The following ENOX2 variants were observed in gnomAD, a reference collection of about 807,000 sequenced individuals.
ENOX2 encodes APK1 antigen.
A neutral mutation model predicts 45.0 loss-of-function variants in ENOX2; 36 were observed. That is an observed-to-expected ratio of 0.80 (90% CI 0.61 to 1.06). ENOX2 has a LOEUF of 1.06. Among genes scored for constraint, ENOX2 ranks in the 50% least tolerant of loss-of-function variants. The probability of loss-of-function intolerance (pLI) is 0.00; values close to 1 mark genes in which losing one functional copy is unlikely to be tolerated. For synonymous variants in ENOX2, 174 were observed against 152.3 expected, an observed-to-expected ratio of 1.14 and a Z score of -1.05; for missense variants, 423 against 462.5, an observed-to-expected ratio of 0.91 and a Z score of 0.78.
intron 10 of ENOX2, among the ~76,000 whole-genome samples, chrX:130,649,596 G>C (rs1373680822): frequency 8.9e-6 from 1 of 112,206 alleles, no homozygotes; most frequent in Non-Finnish European, 1.9e-5. Flanking sequence ...CAATGATCCT[G>C]ATACAGCAGT....
intron 4 of ENOX2, among the ~76,000 whole-genome samples, chrX:130,698,706 C>T (rs969183137): frequency 9.0e-6 from 1 of 111,560 alleles, no homozygotes; most frequent in African/African-American, 3.3e-5. Context: ...AGTGGTCTGT[C>T]ATGTATCATA....
intron 3 of ENOX2, among the ~76,000 whole-genome samples, chrX:130,732,532 A>G (rs956964794): frequency 1.1e-4 from 12 of 112,171 alleles, no homozygotes; most frequent in African/African-American, 3.6e-4. Context: ...AATCCATAAG[A>G]TCACAAATAG....
At position 130,775,238 on chromosome X, in the gene ENOX2, A is replaced by T. The variant is rs991516257; in HGVS notation, c.-39+8309T>A. Among the ~76,000 whole-genome samples, 12 of 110,422 alleles carry T rather than the reference A, an allele frequency of 1.1e-4. No homozygotes were observed. In the East Asian group the frequency reaches 3.4e-3, roughly 32 times the overall value. On this transcript the variant is annotated intron_variant, in intron 3 of 14. Coordinates refer to ENST00000394363, the MANE Select transcript of ENOX2 (RefSeq NM_006375.4). Reference sequence around the variant, plus strand: ...TCTACAAAAAATACAAAAATTAGCCAGGCATAGAGGCATGGCCTGTAGTCC... The same window carrying T: ...TCTACAAAAAATACAAAAATTAGCCTGGCATAGAGGCATGGCCTGTAGTCC...
chrX:130,722,113 C>T (rs1373669178), intron 3 of ENOX2, among the ~76,000 whole-genome samples: 1 of 111,713 alleles, frequency 9.0e-6, no homozygotes, highest in Non-Finnish European at 1.9e-5. Context: ...AGCGCATGAA[C>T]TCACAACAGG....
chrX:130,838,336 C>T (rs965668827), intron 2 of ENOX2, among the ~76,000 whole-genome samples: 5 of 111,736 alleles, frequency 4.5e-5, no homozygotes, highest in Admixed American at 1.9e-4. Context: ...GAGCCGAGAT[C>T]GCGCCACTGC....
At chrX:130,630,061 C>G (rs752584262) in intron 13 of ENOX2, among the ~76,000 whole-genome samples, 11 of 111,230 alleles carry the variant, frequency 9.9e-5, no homozygotes, top group Non-Finnish European at 1.5e-4. Flanking sequence ...GATGGAGGAA[C>G]TGAAGCTCAG....
intron 4 of ENOX2, among the ~76,000 whole-genome samples, chrX:130,699,219 T>C (rs896084694): frequency 1.8e-5 from 2 of 111,996 alleles, no homozygotes; most frequent in Non-Finnish European, 3.8e-5. Context: ...CAAAACACCA[T>C]GTTAGTTGAA....
At chrX:130,791,092 G>A (rs73229072) in intron 2 of ENOX2, among the ~76,000 whole-genome samples, 158 of 111,325 alleles carry the variant, frequency 1.4e-3, no homozygotes, top group Non-Finnish European at 2.3e-3. Flanking sequence ...CCTAAGTGCT[G>A]GGATTACAGG....
chrX:130,834,493 A>G (rs2077894162), intron 2 of ENOX2, among the ~76,000 whole-genome samples: 1 of 111,399 alleles, frequency 9.0e-6, no homozygotes, highest in South Asian at 3.9e-4. Context: ...CATGTTGAGA[A>G]AGGAGGATAG....
chrX:130,702,971 C>T (rs2037938262), intron 4 of ENOX2, 149 bp downstream of exon 4: 1 of 558,041 alleles, frequency 1.8e-6, no homozygotes, highest in Non-Finnish European at 2.7e-6. Flanking sequence ...TACTGGCCAC[C>T]CAGACTATAA....
At chrX:130,795,995 G>A (rs2077119811) in intron 2 of ENOX2, among the ~76,000 whole-genome samples, 1 of 110,281 alleles carries the variant, frequency 9.1e-6, no homozygotes, top group South Asian at 4.0e-4. Context: ...GTGTGTGTAT[G>A]TGTGTGTTCT....
rs1360600378 is a variant in ENOX2, at chrX:130,637,247, G to A, written c.1293C>T (p.Ala431=). Residue 431 remains alanine (A), a synonymous_variant, in exon 11 of 15, where the codon GCC becomes GCT. Coordinates refer to ENST00000394363, the MANE Select transcript of ENOX2 (RefSeq NM_006375.4). The stretch of plus-strand genomic sequence containing the variant: ...CCTTTACCTGTTGCATTCCTTGCAG[G>A]GCTTGTTGCAGGAGTTTCAGCTGCT... ...KEQQLKLLQQ[A]LQGMQQHLLK... 8.3e-7 allele frequency: 1 copy of A among 1,210,885 alleles called. No individual in the cohort carries two copies. The highest frequency in any genetic ancestry group is 1.8e-5 in the South Asian group (1 of 56,887).
At chrX:130,709,262 G>A (rs750291424) in intron 3 of ENOX2, 2 of 1,207,716 alleles carry the variant, frequency 1.7e-6, no homozygotes, top group East Asian at 5.9e-5. Context: ...CTATTTCGTA[G>A]ACCCACAGCC....
intron 2 of ENOX2, among the ~76,000 whole-genome samples, chrX:130,900,927 A>T (rs2079135262): frequency 8.9e-6 from 1 of 112,326 alleles, no homozygotes; most frequent in Non-Finnish European, 1.9e-5. Flanking sequence ...CATGAAAGAG[A>T]TCTAGTGTCC....
At chrX:130,897,724 A>G (rs987740673) in intron 2 of ENOX2, among the ~76,000 whole-genome samples, 8 of 112,347 alleles carry the variant, frequency 7.1e-5, no homozygotes, top group Non-Finnish European at 1.1e-4. Flanking sequence ...ATACTAGAGG[A>G]GCAAGCAGGG....
chrX:130,629,473 C>G (rs1180711175), intron 13 of ENOX2, among the ~76,000 whole-genome samples: 1 of 112,517 alleles, frequency 8.9e-6, no homozygotes, highest in Non-Finnish European at 1.9e-5. Flanking sequence ...TTTTCTAGGA[C>G]TATCCATTCA....
chrX:130,858,114 CTTTTTTT>C (rs772117481), intron 2 of ENOX2, among the ~76,000 whole-genome samples: 1 of 92,515 alleles, frequency 1.1e-5, no homozygotes, highest in African/African-American at 3.9e-5. Flanking sequence ...GGGCTTTTTC[CTTTTTTT>C]TTTTTTTTTT....
intron 2 of ENOX2, among the ~76,000 whole-genome samples, chrX:130,859,751 CAA>C (rs2078379374): frequency 1.8e-5 from 2 of 111,908 alleles, no homozygotes; most frequent in African/African-American, 6.5e-5. Flanking sequence ...GGCAAGAAGA[CAA>C]TTAAGACACC....
At position 130,682,583 on chromosome X, in the gene ENOX2, C is replaced by CAAAAAAAA. The variant is rs55875735; in HGVS notation, c.254-2843_254-2836dup. 1.7e-3 allele frequency among the ~76,000 whole-genome samples: 25 copies of CAAAAAAAA among 14,657 alleles called. 6 individuals are homozygous for CAAAAAAAA. The highest frequency in any genetic ancestry group is 4.3e-3 in the African/African-American group (21 of 4,910). 12.7% of individuals were successfully genotyped at this position (14,657 alleles called of 115,157 possible). ...TGGGTGACAGAGCGAGACTCCGTCT[C>CAAAAAAAA]AAAAAAAAAAAAAAAAAAAAAAAAA... On this transcript the variant is annotated intron_variant, in intron 5 of 14. Transcript: ENST00000394363.
Sources: allele counts gnomAD v4.1 joint callset (sites outside exome capture counted in the v4.1 genomes callset), GRCh38; gene constraint gnomAD v4.1.1; transcripts MANE v1.5; gene names NCBI Gene and HGNC (gene_info 2026-07-23, HGNC 2026-07-21).